Variants in LIMK2 observed in about 807,000 individuals in gnomAD.
LIMK2 encodes the protein LIM domain kinase 2.
In LIMK2, 35 loss-of-function variants were observed where a neutral mutation model predicts 75.7. That is an observed-to-expected ratio of 0.46 (90% CI 0.35 to 0.61). The LOEUF (loss-of-function observed/expected upper bound fraction) is 0.61, where lower values mean the gene tolerates loss of function less well. LIMK2 is among the 20% of genes least tolerant of loss of function. LIMK2 has a pLI of 0.00. For missense variants in LIMK2, 623 were observed against 831.0 expected (o/e 0.75, Z 3.08); for synonymous variants, 301 against 319.2 (o/e 0.94, Z 0.61).
Position 31,258,379 on chromosome 22 carries a change from G to C in LIMK2, c.205G>C (p.Gly69Arg). ...YCPKDYWGKF[G>R]EFCHGCSLLM... is the part of the protein sequence containing the mutation. ...CCCCAAGGACTACTGGGGGAAGTTT[G>C]GGGAGTTCTGTCATGGGTGCTCCCT... Residue 69 changes from glycine (G) to arginine (R), a missense_variant, in exon 3 of 16, where the codon GGG (glycine) becomes CGG (arginine). This residue lies in a region of LIMK2 where 514 missense variants were observed against 661.3 expected (regional missense o/e 0.78). Coordinates refer to ENST00000331728, the MANE Select transcript of LIMK2 (RefSeq NM_005569.4). The C allele has an allele frequency of 1.2e-6, 2 of 1,614,096 alleles. No individual in the cohort carries two copies. The highest frequency in any genetic ancestry group is 1.7e-6 in the Non-Finnish European group (2 of 1,179,980).
intron 14 of LIMK2, among the ~76,000 whole-genome samples, chr22:31,273,722 G>A (rs1351940065): frequency 6.6e-6 from 1 of 152,172 alleles, no homozygotes; most frequent in African/African-American, 2.4e-5. Flanking sequence ...GTTTTAGATG[G>A]AGCCTCACTT....
At chr22:31,239,478 A>G (rs55664666) in intron 2 of LIMK2, among the ~76,000 whole-genome samples, 6,977 of 152,284 alleles carry the variant, frequency 0.046, 286 homozygotes, top group Admixed American at 0.081. Flanking sequence ...GCATTTGCAC[A>G]TGTTGTTCCT....
At chr22:31,239,822 T>C (rs575745226) in intron 2 of LIMK2, among the ~76,000 whole-genome samples, 9 of 152,294 alleles carry the variant, frequency 5.9e-5, no homozygotes, top group African/African-American at 2.2e-4. Flanking sequence ...ATGTATTTGT[T>C]GAACGACTCT....
chr22:31,225,698 A>T (rs1471641746), intron 1 of LIMK2, 22 bp from the exon 2 acceptor site: 1 of 1,605,322 alleles, frequency 6.2e-7, no homozygotes. Context: ...TGGGCCTCTC[A>T]ACCTCTTGGT....
At chr22:31,238,962 T>A (rs2048602296) in intron 2 of LIMK2, among the ~76,000 whole-genome samples, 1 of 152,206 alleles carries the variant, frequency 6.6e-6, no homozygotes, top group Non-Finnish European at 1.5e-5. Flanking sequence ...GACATTCAAT[T>A]TTCTAATTAG....
intron 2 of LIMK2, among the ~76,000 whole-genome samples, chr22:31,242,806 A>T (rs1399046249): frequency 1.3e-5 from 2 of 152,186 alleles, no homozygotes; most frequent in Admixed American, 6.5e-5. Context: ...CAGATACTAA[A>T]CTCTCACTCT....
chr22:31,270,806 A>G (rs1387939544), intron 11 of LIMK2, among the ~76,000 whole-genome samples: 1 of 152,122 alleles, frequency 6.6e-6, no homozygotes, highest in African/African-American at 2.4e-5. Flanking sequence ...TAAAATGGGT[A>G]GAGGTGGAGG....
chr22:31,263,436 G>T (rs1367641302), intron 7 of LIMK2, among the ~76,000 whole-genome samples: 2 of 152,134 alleles, frequency 1.3e-5, no homozygotes, highest in African/African-American at 4.8e-5. Flanking sequence ...GATAAAGGTG[G>T]CTGTCTCACC....
intron 9 of LIMK2, 44 bp downstream of exon 9, chr22:31,267,114 AAG>A (rs2048903900): frequency 9.3e-7 from 1 of 1,079,648 alleles, no homozygotes; most frequent in South Asian, 1.3e-5. Context: ...TCACCATTGG[AAG>A]AGAGAAGACC....
At chr22:31,223,041 C>T (rs1005310234) in intron 1 of LIMK2, among the ~76,000 whole-genome samples, 1 of 152,106 alleles carries the variant, frequency 6.6e-6, no homozygotes, top group African/African-American at 2.4e-5. Context: ...GGGAGTCTAA[C>T]CCAGAGCTGA....
intron 1 of LIMK2, among the ~76,000 whole-genome samples, chr22:31,220,067 ATTACATTTCTT>A (rs1568981148): frequency 6.6e-6 from 1 of 152,206 alleles, no homozygotes; most frequent in African/African-American, 2.4e-5. Context: ...GCATTACAGT[ATTACATTTCTT>A]TTACATTTCC....
chr22:31,229,518 T>G (rs2048508165), intron 2 of LIMK2, among the ~76,000 whole-genome samples: 1 of 152,114 alleles, frequency 6.6e-6, no homozygotes, highest in Admixed American at 6.5e-5. Context: ...AGTACCTGAG[T>G]AGTGCAGGCC....
rs5749242 is a variant in LIMK2, at chr22:31,261,418, C to T, written c.552-716C>T. ...AAAATTAGCCGGGCATGGTGGCGGA[C>T]GCCTGTAGTCCCAGCTACTCGGGAG... On this transcript the variant is annotated intron_variant, in intron 5 of 15. Transcript: ENST00000331728. Among the ~76,000 whole-genome samples, 10 of 152,178 alleles carry T rather than the reference C, an allele frequency of 6.6e-5. No homozygotes were observed. In the East Asian group the frequency reaches 1.2e-3, roughly 18 times the overall value.
At chr22:31,215,751 C>T (rs1223645580) in intron 1 of LIMK2, among the ~76,000 whole-genome samples, 2 of 151,972 alleles carry the variant, frequency 1.3e-5, no homozygotes, top group East Asian at 1.9e-4. Flanking sequence ...AGTGGGATTG[C>T]GCCTGTGAAA....
intron 2 of LIMK2, among the ~76,000 whole-genome samples, chr22:31,257,452 T>C (rs999176569): frequency 3.3e-5 from 5 of 152,206 alleles, no homozygotes; most frequent in African/African-American, 1.2e-4. Context: ...ATCTTGATTT[T>C]ACCCTTGAAC....
At chr22:31,223,829 T>G (rs1411063555) in intron 1 of LIMK2, among the ~76,000 whole-genome samples, 1 of 152,196 alleles carries the variant, frequency 6.6e-6, no homozygotes, top group East Asian at 1.9e-4. Flanking sequence ...ATATATCCTA[T>G]TACTGAGGCA....
intron 13 of LIMK2, chr22:31,273,030 G>A (rs919280241): frequency 8.8e-7 from 1 of 1,141,076 alleles, no homozygotes; most frequent in Middle Eastern, 3.7e-4. Context: ...CCCTCTGGTG[G>A]ATAATGCTCA....
chr22:31,235,376 T>C (rs910914961), intron 2 of LIMK2, among the ~76,000 whole-genome samples: 1 of 152,136 alleles, frequency 6.6e-6, no homozygotes, highest in Non-Finnish European at 1.5e-5. Context: ...CCTGCAAGTG[T>C]CAGGGTGATA....
intron 2 of LIMK2, chr22:31,248,878 C>A: frequency 8.2e-7 from 1 of 1,224,708 alleles, no homozygotes; most frequent in Non-Finnish European, 1.2e-6. Flanking sequence ...ATCGGTTCTG[C>A]CGGGCAGAAG....
Sources: allele counts gnomAD v4.1 joint callset (sites outside exome capture counted in the v4.1 genomes callset), GRCh38; gene constraint gnomAD v4.1.1; regional missense constraint gnomAD v4.1.1; transcripts MANE v1.5; gene names NCBI Gene and HGNC (gene_info 2026-07-23, HGNC 2026-07-21).